CLEC12A: variants seen among roughly 807,000 people sequenced by gnomAD.
The protein encoded by CLEC12A is C-type lectin protein CLL-1.
CLEC12A carries 22 observed loss-of-function variants against 26.5 expected under a neutral mutation model. The observed-to-expected ratio is 0.83, with a 90% confidence interval of 0.59 to 1.19. The LOEUF is 1.19. Among genes scored for constraint, CLEC12A ranks in the 50% most tolerant of loss-of-function variants. The pLI, the probability that CLEC12A is intolerant of heterozygous loss-of-function variation, is 0.00. For missense variants in CLEC12A, 353 were observed against 315.6 expected (o/e 1.12, Z -0.90); for synonymous variants, 119 against 101.9 (o/e 1.17, Z -1.01).
chr12:9,958,041 G>A (rs7316911), intron 1 of CLEC12A, among the ~76,000 whole-genome samples: 47,110 of 152,170 alleles, frequency 0.31, 7,689 homozygotes, highest in East Asian at 0.46. Context: ...AAACCAGAAA[G>A]TACCTCTGAG....
Position 9,971,699 on chromosome 12 carries a change from A to C in CLEC12A, c.91+12A>C, listed in dbSNP as rs773764131. The C allele has an allele frequency of 1.1e-5, 18 of 1,606,700 alleles. No individual in the cohort carries two copies. The East Asian group carries it at 4.0e-4, about 36-fold the overall frequency. Reference sequence around the variant, plus strand: ...ATTTGGGGAAAAAGGTAAGATTTTGAGTTATGGATGTGTTGTAAGTTTGTA... The same window carrying C: ...ATTTGGGGAAAAAGGTAAGATTTTGCGTTATGGATGTGTTGTAAGTTTGTA... On this transcript the variant is annotated intron_variant, in intron 1 of 5. Coordinates refer to ENST00000304361, the MANE Select transcript of CLEC12A (RefSeq NM_138337.6).
chr12:9,998,939 A>C, downstream of CLEC12A: 1 of 711,748 alleles, frequency 1.4e-6, no homozygotes, highest in Non-Finnish European at 2.3e-6. Context: ...AAGAAAAAGA[A>C]ATTAAACTAT....
At chr12:9,986,344 GA>G (rs3053775), downstream of CLEC12A, among the ~76,000 whole-genome samples, 55,466 of 118,540 alleles carry the variant, frequency 0.47, 12,404 homozygotes, top group East Asian at 0.7. Flanking sequence ...AGTCTCCACT[GA>G]AAAAAAAAAA....
intron 4 of CLEC12A, chr12:9,994,981 A>G: frequency 5.3e-6 from 8 of 1,523,580 alleles, no homozygotes; most frequent in Non-Finnish European, 7.1e-6. Flanking sequence ...GAGGGGAAAG[A>G]ATTGTCTTAT....
At chr12:9,967,645 A>T (rs661214), upstream of CLEC12A, among the ~76,000 whole-genome samples, 37,280 of 151,522 alleles carry the variant, frequency 0.25, 5,028 homozygotes, top group South Asian at 0.46. Context: ...GAAGAGCGGT[A>T]CTTGCCGCTA....
At chr12:9,980,284 C>T (rs1864501533) in intron 3 of CLEC12A, among the ~76,000 whole-genome samples, 1 of 151,492 alleles carries the variant, frequency 6.6e-6, no homozygotes, top group Non-Finnish European at 1.5e-5. Context: ...CACTTACTTC[C>T]CCTTCGATGT....
At chr12:9,988,741 T>C (rs1305592068), downstream of CLEC12A, among the ~76,000 whole-genome samples, 5 of 152,080 alleles carry the variant, frequency 3.3e-5, no homozygotes, top group African/African-American at 1.2e-4. Context: ...TGTGGAGAAA[T>C]AGGAACACTT....
At chr12:9,997,505 C>T (rs940180435), downstream of CLEC12A, among the ~76,000 whole-genome samples, 1 of 152,094 alleles carries the variant, frequency 6.6e-6, no homozygotes, top group Admixed American at 6.6e-5. Flanking sequence ...TTGAAGGAGA[C>T]AATCACAAAT....
At chr12:9,969,683 GC>G (rs1366963362), upstream of CLEC12A, among the ~76,000 whole-genome samples, 1 of 152,192 alleles carries the variant, frequency 6.6e-6, no homozygotes, top group African/African-American at 2.4e-5. Context: ...ACAGGACTCT[GC>G]CTGTGTGGTG....
At chr12:9,996,756 GA>G, downstream of CLEC12A, 1 of 1,362,684 alleles carries the variant, frequency 7.3e-7, no homozygotes, top group Non-Finnish European at 1.0e-6. Context: ...AAGATGTTAA[GA>G]AAAATGTAAA....
intron 1 of CLEC12A, among the ~76,000 whole-genome samples, chr12:9,978,152 A>G (rs1864410775): frequency 6.6e-6 from 1 of 152,162 alleles, no homozygotes; most frequent in Admixed American, 6.5e-5. Flanking sequence ...TTATTATGGT[A>G]TCCCTGAATT....
chr12:9,977,904 A>C (rs1001595890), intron 1 of CLEC12A, among the ~76,000 whole-genome samples: 1 of 152,148 alleles, frequency 6.6e-6, no homozygotes, highest in African/African-American at 2.4e-5. Context: ...TTGAATAAAT[A>C]AACTTGAATA....
At chr12:9,993,343 T>C (rs1209728557) in intron 4 of CLEC12A, 2 of 1,424,476 alleles carry the variant, frequency 1.4e-6, no homozygotes, top group South Asian at 1.1e-5. Flanking sequence ...CAATCAGTAA[T>C]CAGACTCTGC....
intron 1 of CLEC12A, among the ~76,000 whole-genome samples, chr12:9,977,413 T>C (rs1864381481): frequency 6.6e-6 from 1 of 152,234 alleles, no homozygotes; most frequent in Non-Finnish European, 1.5e-5. Context: ...GTCTCCTCCT[T>C]GTTATTTTAA....
chr12:9,981,944 G>T, intron 4 of CLEC12A, 76 bp from the exon 5 acceptor site: 1 of 715,202 alleles, frequency 1.4e-6, no homozygotes. Context: ...ACAGCAATTT[G>T]TAAGAAATTA....
At chr12:9,979,945 G>A (rs1864486815) in intron 3 of CLEC12A, among the ~76,000 whole-genome samples, 2 of 152,154 alleles carry the variant, frequency 1.3e-5, no homozygotes, top group African/African-American at 2.4e-5. Flanking sequence ...TTGGGATCGG[G>A]GAGTTGGTCT....
intron 1 of CLEC12A, among the ~76,000 whole-genome samples, chr12:9,965,263 C>T (rs1294617868): frequency 1.3e-5 from 2 of 152,086 alleles, no homozygotes; most frequent in East Asian, 1.9e-4. Flanking sequence ...CTGCCCTAAC[C>T]ATGCCTAGGA....
At chr12:9,996,690 C>G, downstream of CLEC12A, 1 of 770,474 alleles carries the variant, frequency 1.3e-6, no homozygotes, top group Non-Finnish European at 2.3e-6. Context: ...GATTGAATAT[C>G]TGGGTTCTGT....
chr12:9,982,692 T>C (rs1168841812), intron 5 of CLEC12A, among the ~76,000 whole-genome samples: 1 of 152,138 alleles, frequency 6.6e-6, no homozygotes, highest in Non-Finnish European at 1.5e-5. Flanking sequence ...GTTATATAAA[T>C]ATATTGCATA....
Sources: allele counts gnomAD v4.1 joint callset (sites outside exome capture counted in the v4.1 genomes callset), GRCh38; gene constraint gnomAD v4.1.1; transcripts MANE v1.5; gene names NCBI Gene and HGNC (gene_info 2026-07-23, HGNC 2026-07-21).